The following CUX1 variants were observed in gnomAD, a reference collection of about 807,000 sequenced individuals.
CUX1 encodes cut like homeobox 1, also known as protein CASP.
A neutral mutation model predicts 158.8 loss-of-function variants in CUX1; 31 were observed. The ratio of observed to expected loss-of-function variants is 0.20; its 90% CI spans 0.15 to 0.26. The LOEUF (loss-of-function observed/expected upper bound fraction) is 0.26, where lower values mean the gene tolerates loss of function less well. Ranked by LOEUF, CUX1 falls within the 10% of genes least tolerant of loss-of-function variation. The pLI, the probability that CUX1 is intolerant of heterozygous loss-of-function variation, is 1.00. For missense variants in CUX1, 1,589 were observed against 2,014.6 expected (o/e 0.79, Z 4.04); for synonymous variants, 879 against 862.1 (o/e 1.02, Z -0.34).
chr7:101,826,836 T>C (rs1013069407), intron 1 of CUX1, among the ~76,000 whole-genome samples: 9 of 152,174 alleles, frequency 5.9e-5, no homozygotes, highest in African/African-American at 1.7e-4. Flanking sequence ...TGATTATCCC[T>C]TGGGTACCCA....
chr7:102,275,353 T>C, exon 17 of CUX1: 5 of 1,611,744 alleles, frequency 3.1e-6, no homozygotes, highest in Non-Finnish European at 4.2e-6. Context: ...ACCAGGAGCT[T>C]GAGGCCGTGA....
At chr7:101,957,519 G>A (rs575015709) in intron 2 of CUX1, among the ~76,000 whole-genome samples, 2 of 152,246 alleles carry the variant, frequency 1.3e-5, no homozygotes, top group African/African-American at 4.8e-5. Context: ...TCAGGAGTTC[G>A]AGACCAGCCT....
At chr7:102,142,548 C>T (rs991675162) in intron 8 of CUX1, among the ~76,000 whole-genome samples, 3 of 151,958 alleles carry the variant, frequency 2.0e-5, no homozygotes, top group Non-Finnish European at 4.4e-5. Context: ...TCACTTGAGC[C>T]CAGGAATTTG....
intron 2 of CUX1, chr7:101,932,360 T>A (rs1166202829): frequency 3.1e-6 from 1 of 322,122 alleles, no homozygotes; most frequent in East Asian, 7.9e-5. Flanking sequence ...CAGGAACCCA[T>A]ATCGCATGCA....
At chr7:101,828,984 C>T (rs1332756989) in intron 1 of CUX1, among the ~76,000 whole-genome samples, 1 of 151,856 alleles carries the variant, frequency 6.6e-6, no homozygotes, top group Non-Finnish European at 1.5e-5. Flanking sequence ...GAGGGAATTC[C>T]AGGGGTCGAG....
intron 1 of CUX1, among the ~76,000 whole-genome samples, chr7:101,852,597 G>A (rs545376992): frequency 4.6e-5 from 7 of 151,652 alleles, no homozygotes; most frequent in African/African-American, 7.3e-5. Flanking sequence ...CAGCCTGGGC[G>A]ACAGAGCAAG....
In CUX1 at chr7:101,857,110, C is replaced by T. The variant is rs571247263; in HGVS notation, c.30+39441C>T. ...GCCCCGTACCACCCGCCGCGGGCCA[C>T]TTTTGGGCCTGCGCCATGTTCCTGC... On this transcript the variant is annotated intron_variant, in intron 1 of 23. Transcript: ENST00000292535. 1.2e-4 allele frequency among the ~76,000 whole-genome samples: 18 copies of T among 152,304 alleles called. 1 individual carries two copies. In the South Asian group the frequency reaches 3.5e-3, roughly 30 times the overall value.
intron 6 of CUX1, among the ~76,000 whole-genome samples, chr7:102,107,631 G>C (rs1830496005): frequency 6.6e-6 from 1 of 152,222 alleles, no homozygotes; most frequent in Non-Finnish European, 1.5e-5. Context: ...TAGGCTTTCA[G>C]TACATTCTCT....
At chr7:102,177,492 G>C (rs868929118) in intron 10 of CUX1, among the ~76,000 whole-genome samples, 1 of 151,922 alleles carries the variant, frequency 6.6e-6, no homozygotes, top group Admixed American at 6.6e-5. Flanking sequence ...TCAGCTTCCG[G>C]GTAATTTAAC....
intron 13 of CUX1, among the ~76,000 whole-genome samples, chr7:102,194,469 A>G (rs546586241): frequency 2.2e-4 from 34 of 151,718 alleles, no homozygotes; most frequent in African/African-American, 7.7e-4. Context: ...GTACTGTGAC[A>G]TATACCCGTG....
At chr7:101,984,375 G>A (rs1813993371) in intron 2 of CUX1, among the ~76,000 whole-genome samples, 1 of 150,876 alleles carries the variant, frequency 6.6e-6, no homozygotes, top group South Asian at 2.1e-4. Flanking sequence ...CACCCTGTAA[G>A]ATTGTCGTGG....
chr7:101,877,551 G>A (rs1166952755), intron 1 of CUX1, among the ~76,000 whole-genome samples: 1 of 152,176 alleles, frequency 6.6e-6, no homozygotes, highest in Non-Finnish European at 1.5e-5. Context: ...GCTGGGCATG[G>A]TGGCGGGCAC....
intron 2 of CUX1, among the ~76,000 whole-genome samples, chr7:101,992,543 T>C (rs1211065934): frequency 6.6e-6 from 1 of 151,986 alleles, no homozygotes; most frequent in East Asian, 1.9e-4. Context: ...GCCCAGCAAG[T>C]TGGGTGGGGG....
intron 14 of CUX1, chr7:102,273,327 C>A: frequency 6.2e-7 from 1 of 1,602,210 alleles, no homozygotes; most frequent in Non-Finnish European, 8.5e-7. Context: ...AGGGTCCCAC[C>A]AGGCTCCCTC....
chr7:101,829,811 A>G (rs1793776476), intron 1 of CUX1, among the ~76,000 whole-genome samples: 1 of 152,192 alleles, frequency 6.6e-6, no homozygotes, highest in African/African-American at 2.4e-5. Context: ...CTGCCCCATC[A>G]TTCCCATTAG....
At chr7:102,151,466 A>G (rs1430023503) in intron 8 of CUX1, among the ~76,000 whole-genome samples, 3 of 152,100 alleles carry the variant, frequency 2.0e-5, no homozygotes, top group African/African-American at 7.2e-5. Flanking sequence ...GGCAGGGAGA[A>G]TCGCTTGAAC....
intron 6 of CUX1, among the ~76,000 whole-genome samples, chr7:102,105,639 A>G (rs1830269716): frequency 6.6e-6 from 1 of 150,428 alleles, no homozygotes; most frequent in African/African-American, 2.4e-5. Flanking sequence ...CAGCCTCCCA[A>G]GAAGCTGGGA....
At chr7:102,132,533 T>C (rs1833414914) in intron 8 of CUX1, among the ~76,000 whole-genome samples, 1 of 151,848 alleles carries the variant, frequency 6.6e-6, no homozygotes, top group Admixed American at 6.6e-5. Context: ...TGCTCCTCCT[T>C]CATTCCAGAA....
chr7:102,206,519 G>A (rs1795962654), intron 20 of CUX1, among the ~76,000 whole-genome samples: 1 of 152,170 alleles, frequency 6.6e-6, no homozygotes, highest in Non-Finnish European at 1.5e-5. Flanking sequence ...CGGGAAGTTG[G>A]CCTTCTTGAA....
Sources: gnomAD v4.1 joint callset for allele counts (sites outside exome capture counted in the v4.1 genomes callset) on GRCh38, gnomAD v4.1.1 for gene constraint, MANE v1.5 for transcripts, NCBI Gene and HGNC (gene_info 2026-07-23, HGNC 2026-07-21) for gene names.